Variants in B4GALT5 observed in about 807,000 individuals in gnomAD.
B4GALT5 encodes the protein beta-1,4-galactosyltransferase 5.
A neutral mutation model predicts 45.0 loss-of-function variants in B4GALT5; 11 were observed. That is an observed-to-expected ratio of 0.24 (90% CI 0.15 to 0.40). The LOEUF is 0.40. Ranked by LOEUF, B4GALT5 falls within the 10% of genes least tolerant of loss-of-function variation. The pLI is 1.00. For missense variants in B4GALT5, 337 were observed against 500.2 expected (o/e 0.67, Z 3.11); for synonymous variants, 185 against 182.9 (o/e 1.01, Z -0.09).
intron 2 of B4GALT5, among the ~76,000 whole-genome samples, chr20:49,649,521 G>A (rs576212417): frequency 3.4e-4 from 51 of 152,106 alleles, no homozygotes; most frequent in African/African-American, 1.1e-3. Flanking sequence ...TCGAGGTTCC[G>A]GTGGGCAATG....
At chr20:49,677,841 G>A (rs975538319) in intron 1 of B4GALT5, among the ~76,000 whole-genome samples, 6 of 152,324 alleles carry the variant, frequency 3.9e-5, no homozygotes, top group Admixed American at 3.3e-4. Context: ...CGCCTCCCAA[G>A]TTGAAGCAAT....
At chr20:49,709,591 G>A (rs1336893824) in intron 1 of B4GALT5, among the ~76,000 whole-genome samples, 1 of 152,048 alleles carries the variant, frequency 6.6e-6, no homozygotes, top group Non-Finnish European at 1.5e-5. Context: ...GGCCAACATG[G>A]TAAAACCCCA....
chr20:49,682,696 C>T (rs1025059290), intron 1 of B4GALT5, among the ~76,000 whole-genome samples: 4 of 152,200 alleles, frequency 2.6e-5, no homozygotes, highest in Admixed American at 1.3e-4. Context: ...GCACTAATTA[C>T]CTAAAAGGAC....
At position 49,636,232 on chromosome 20, in the gene B4GALT5, A is replaced by T. The variant is rs151326414; in HGVS notation, c.*80T>A. 1.2e-3 allele frequency: 1,883 copies of T among 1,520,770 alleles called. 4 individuals are homozygous for T. The highest frequency in any genetic ancestry group is 1.5e-3 in the Non-Finnish European group (1,711 of 1,115,244). The allele number at this position is 1,520,770 out of a possible 1,614,324, so 94.2% of individuals were successfully genotyped here. A position where few individuals can be genotyped will look rare whatever the true frequency, so the allele number is the denominator to read the frequency against. Reference sequence around the variant, plus strand: ...GTATTTCTGTTCTCTTGCTGTGTAGACCCTCCCCCCTCCAAAAAAAAATCT... The same window carrying T: ...GTATTTCTGTTCTCTTGCTGTGTAGTCCCTCCCCCCTCCAAAAAAAAATCT... On this transcript the variant is annotated 3_prime_UTR_variant, in exon 9 of 9. Coordinates refer to ENST00000371711, the MANE Select transcript of B4GALT5 (RefSeq NM_004776.4).
At chr20:49,682,974 G>T (rs1298819461) in intron 1 of B4GALT5, among the ~76,000 whole-genome samples, 1 of 151,948 alleles carries the variant, frequency 6.6e-6, no homozygotes, top group Non-Finnish European at 1.5e-5. Context: ...TGCACCTGTA[G>T]TCCCAGCCAG....
At chr20:49,656,193 T>G (rs978522555) in intron 2 of B4GALT5, among the ~76,000 whole-genome samples, 2 of 152,118 alleles carry the variant, frequency 1.3e-5, no homozygotes, top group Non-Finnish European at 2.9e-5. Context: ...CCACATTGCT[T>G]CCTCTCACCA....
chr20:49,706,472 T>C (rs1356164205), intron 1 of B4GALT5, among the ~76,000 whole-genome samples: 3 of 152,288 alleles, frequency 2.0e-5, no homozygotes, highest in Non-Finnish European at 4.4e-5. Flanking sequence ...AATTGACAGA[T>C]GTAGTCAAAA....
At chr20:49,676,715 C>T (rs1305321700) in intron 1 of B4GALT5, among the ~76,000 whole-genome samples, 1 of 152,214 alleles carries the variant, frequency 6.6e-6, no homozygotes, top group Non-Finnish European at 1.5e-5. Flanking sequence ...GAAGGGGAGG[C>T]ACAACTGGAG....
intron 1 of B4GALT5, among the ~76,000 whole-genome samples, chr20:49,672,610 T>C (rs558905799): frequency 1.2e-4 from 19 of 152,258 alleles, no homozygotes; most frequent in Non-Finnish European, 2.5e-4. Context: ...AGCTAAGTAA[T>C]GTTCACATTT....
At chr20:49,674,699 A>AG (rs1044625924) in intron 1 of B4GALT5, among the ~76,000 whole-genome samples, 34 of 151,954 alleles carry the variant, frequency 2.2e-4, no homozygotes, top group African/African-American at 7.7e-4. Flanking sequence ...TAAAAAAAAA[A>AG]AAGAAGAAGA....
chr20:49,697,348 C>T (rs1049927841), intron 1 of B4GALT5, among the ~76,000 whole-genome samples: 5 of 152,214 alleles, frequency 3.3e-5, no homozygotes, highest in South Asian at 2.1e-4. Context: ...TTCGCAGAGA[C>T]GCTTGCTCTT....
intron 1 of B4GALT5, among the ~76,000 whole-genome samples, chr20:49,689,245 A>G (rs1463611929): frequency 6.6e-6 from 1 of 152,058 alleles, no homozygotes; most frequent in Non-Finnish European, 1.5e-5. Flanking sequence ...AAATAATCAG[A>G]AAAAAAATAT....
chr20:49,697,496 TAA>T (rs2065236636), intron 1 of B4GALT5, among the ~76,000 whole-genome samples: 1 of 151,974 alleles, frequency 6.6e-6, no homozygotes, highest in Non-Finnish European at 1.5e-5. Flanking sequence ...CTGCTAACAC[TAA>T]GTTTCCTTCT....
intron 1 of B4GALT5, among the ~76,000 whole-genome samples, chr20:49,697,332 T>C (rs919686788): frequency 6.6e-6 from 1 of 152,232 alleles, no homozygotes; most frequent in African/African-American, 2.4e-5. Flanking sequence ...CCTGGAAGGT[T>C]TACCCTTCGC....
At chr20:49,683,605 G>A (rs2085773222) in intron 1 of B4GALT5, among the ~76,000 whole-genome samples, 1 of 151,516 alleles carries the variant, frequency 6.6e-6, no homozygotes, top group Non-Finnish European at 1.5e-5. Flanking sequence ...GTTGGCCAGC[G>A]TGGTCTTGAA....
intron 6 of B4GALT5, 41 bp from the exon 7 acceptor site, chr20:49,639,841 G>A (rs373920524): frequency 6.2e-7 from 1 of 1,604,630 alleles, no homozygotes; most frequent in African/African-American, 1.3e-5. Flanking sequence ...GTGTGTTACA[G>A]GGTAACTGTT....
At chr20:49,652,876 G>A (rs563897978) in intron 2 of B4GALT5, among the ~76,000 whole-genome samples, 3 of 152,292 alleles carry the variant, frequency 2.0e-5, no homozygotes, top group South Asian at 2.1e-4. Flanking sequence ...GCATAATCCA[G>A]GTTACCACCA....
At chr20:49,671,905 A>G (rs1456033641) in intron 1 of B4GALT5, among the ~76,000 whole-genome samples, 4 of 152,166 alleles carry the variant, frequency 2.6e-5, no homozygotes, top group African/African-American at 9.7e-5. Context: ...GGGAAGCACA[A>G]AAACACAACC....
intron 1 of B4GALT5, among the ~76,000 whole-genome samples, chr20:49,659,549 T>A (rs968935303): frequency 6.6e-6 from 1 of 152,150 alleles, no homozygotes; most frequent in Non-Finnish European, 1.5e-5. Context: ...TTTTTTCTAA[T>A]TATCGAAAGG....
Sources: gnomAD v4.1 joint callset for allele counts (sites outside exome capture counted in the v4.1 genomes callset) on GRCh38, gnomAD v4.1.1 for gene constraint, MANE v1.5 for transcripts, NCBI Gene and HGNC (gene_info 2026-07-23, HGNC 2026-07-21) for gene names.